Variants in CXCL13 observed in about 807,000 individuals in gnomAD.
CXCL13 encodes C-X-C motif chemokine 13.
CXCL13 carries 7 observed loss-of-function variants against 12.2 expected under a neutral mutation model. That is an observed-to-expected ratio of 0.57 (90% CI 0.33 to 1.07). The LOEUF (loss-of-function observed/expected upper bound fraction) is 1.07, where lower values mean the gene tolerates loss of function less well. CXCL13 is among the 50% of genes least tolerant of loss of function. The pLI, the probability that CXCL13 is intolerant of heterozygous loss-of-function variation, is 0.04. For missense variants in CXCL13, 113 were observed against 127.4 expected (o/e 0.89, Z 0.55); for synonymous variants, 47 against 42.4 (o/e 1.11, Z -0.42).
chr4:77,561,852 G>A (rs892364680), intron 1 of CXCL13, among the ~76,000 whole-genome samples: 2 of 152,226 alleles, frequency 1.3e-5, no homozygotes, highest in Non-Finnish European at 2.9e-5. Flanking sequence ...GGCCGAGGCT[G>A]GAGCTGGCTC....
upstream of CXCL13, among the ~76,000 whole-genome samples, chr4:77,602,290 T>TTTA (rs1726898062): frequency 6.6e-6 from 1 of 152,206 alleles, no homozygotes; most frequent in Non-Finnish European, 1.5e-5. Context: ...AGTACTGACA[T>TTTA]CTACAGTGGA....
At chr4:77,562,036 G>A (rs1031995503) in intron 1 of CXCL13, among the ~76,000 whole-genome samples, 4 of 152,132 alleles carry the variant, frequency 2.6e-5, no homozygotes, top group African/African-American at 4.8e-5. Context: ...AGGGTGCGCC[G>A]GGTCCCCCAG....
intron 1 of CXCL13, among the ~76,000 whole-genome samples, chr4:77,579,247 A>G (rs1364776878): frequency 6.6e-6 from 1 of 152,214 alleles, no homozygotes; most frequent in African/African-American, 2.4e-5. Flanking sequence ...ACTAATGTCA[A>G]TTTATACAAA....
At chr4:77,515,461 T>A (rs1225491162) in intron 1 of CXCL13, among the ~76,000 whole-genome samples, 1 of 152,250 alleles carries the variant, frequency 6.6e-6, no homozygotes, top group Non-Finnish European at 1.5e-5. Context: ...CTTTCATTTG[T>A]TTGTATCCTC....
intron 1 of CXCL13, among the ~76,000 whole-genome samples, chr4:77,555,273 A>G (rs1317586034): frequency 2.0e-5 from 3 of 152,178 alleles, no homozygotes; most frequent in African/African-American, 7.2e-5. Flanking sequence ...TATTATGAAC[A>G]AATGCATGCA....
chr4:77,531,264 T>A (rs1724910035), intron 1 of CXCL13, among the ~76,000 whole-genome samples: 2 of 113,708 alleles, frequency 1.8e-5, no homozygotes, highest in Admixed American at 1.8e-4. Context: ...CCTAATGCTA[T>A]CCCTCCCCCC....
At chr4:77,578,036 G>A (rs1186850325) in intron 1 of CXCL13, among the ~76,000 whole-genome samples, 1 of 152,060 alleles carries the variant, frequency 6.6e-6, no homozygotes, top group African/African-American at 2.4e-5. Flanking sequence ...CCTTAAACTG[G>A]TTGGCTTAGG....
chr4:77,514,567 C>G (rs1314846639), intron 1 of CXCL13, among the ~76,000 whole-genome samples: 1 of 147,012 alleles, frequency 6.8e-6, no homozygotes, highest in South Asian at 2.3e-4. Context: ...TGATGGTGAG[C>G]ATTTTTTCAT....
At chr4:77,551,290 G>A (rs1016231078) in intron 1 of CXCL13, among the ~76,000 whole-genome samples, 6 of 152,138 alleles carry the variant, frequency 3.9e-5, no homozygotes, top group African/African-American at 9.7e-5. Context: ...AAATTCCTTT[G>A]AGGCTCTCTT....
At chr4:77,530,286 T>G (rs1005216112) in intron 1 of CXCL13, among the ~76,000 whole-genome samples, 2 of 152,210 alleles carry the variant, frequency 1.3e-5, no homozygotes, top group African/African-American at 4.8e-5. Context: ...TGATGCTGGC[T>G]TCATAAAATG....
At chr4:77,580,889 C>A (rs565464432) in intron 1 of CXCL13, among the ~76,000 whole-genome samples, 1 of 150,786 alleles carries the variant, frequency 6.6e-6, no homozygotes, top group African/African-American at 2.4e-5. Context: ...GACCCCCTGG[C>A]CTTCCCTTTC....
At chr4:77,533,849 T>C (rs912423578) in intron 1 of CXCL13, among the ~76,000 whole-genome samples, 3 of 152,176 alleles carry the variant, frequency 2.0e-5, no homozygotes, top group Non-Finnish European at 2.9e-5. Flanking sequence ...CGGGATATAA[T>C]CTCCTGGTGT....
intron 1 of CXCL13, among the ~76,000 whole-genome samples, chr4:77,533,623 C>T (rs1313539589): frequency 1.3e-5 from 2 of 152,166 alleles, no homozygotes; most frequent in Non-Finnish European, 1.5e-5. Flanking sequence ...CTGTGCCCTG[C>T]CCCCAGAGGT....
chr4:77,521,318 A>G (rs946506851), intron 1 of CXCL13, among the ~76,000 whole-genome samples: 1 of 152,210 alleles, frequency 6.6e-6, no homozygotes, highest in Non-Finnish European at 1.5e-5. Context: ...TACCTCTGGT[A>G]GAATTCAGCT....
At position 77,536,672 on chromosome 4, in the gene CXCL13, A is replaced by G. The variant is rs181373568; in HGVS notation, c.-43+24884A>G. On this transcript the variant is annotated intron_variant, in intron 1 of 4. Coordinates refer to the CXCL13 transcript ENST00000286758. ...CATTAGCCATTATTATAACACCTAGAAGAAGATTACAAGGTGCAAAGTGTG... is the reference window on the plus strand; with the variant it reads ...CATTAGCCATTATTATAACACCTAGGAGAAGATTACAAGGTGCAAAGTGTG... Among the ~76,000 whole-genome samples, 163 of 152,362 alleles carry G rather than the reference A, an allele frequency of 1.1e-3. 1 individual carries two copies. Among genetic ancestry groups the G allele is most frequent in the African/African-American group, 3.8e-3 (158 of 41,594 alleles).
chr4:77,527,470 G>T (rs1305223194), intron 1 of CXCL13, among the ~76,000 whole-genome samples: 1 of 151,846 alleles, frequency 6.6e-6, no homozygotes, highest in Non-Finnish European at 1.5e-5. Context: ...CATCTCTACA[G>T]AAAATACAAA....
intron 1 of CXCL13, among the ~76,000 whole-genome samples, chr4:77,545,494 A>G (rs1009960626): frequency 1.1e-4 from 16 of 152,166 alleles, no homozygotes; most frequent in African/African-American, 3.9e-4. Context: ...TAGGTATTTT[A>G]TTCTCTTTGA....
At chr4:77,518,946 A>T (rs957062292) in intron 1 of CXCL13, among the ~76,000 whole-genome samples, 4 of 152,054 alleles carry the variant, frequency 2.6e-5, no homozygotes, top group African/African-American at 9.7e-5. Context: ...GACTTTGATG[A>T]TGGTGATGTA....
chr4:77,585,453 G>A (rs535541480), intron 1 of CXCL13, among the ~76,000 whole-genome samples: 274 of 152,268 alleles, frequency 1.8e-3, no homozygotes, highest in Non-Finnish European at 2.9e-3. Context: ...ATTCCTAAAC[G>A]TCCTCAGCCA....
Sources: allele counts gnomAD v4.1 joint callset (sites outside exome capture counted in the v4.1 genomes callset), GRCh38; gene constraint gnomAD v4.1.1; transcripts MANE v1.5; gene names NCBI Gene and HGNC (gene_info 2026-07-23, HGNC 2026-07-21).